Variants in GPC5 observed in about 807,000 individuals in gnomAD.
GPC5 encodes the protein glypican 5, also known as glypican-5.
A neutral mutation model predicts 53.9 loss-of-function variants in GPC5; 47 were observed. That is an observed-to-expected ratio of 0.87 (90% CI 0.69 to 1.11). GPC5 has a LOEUF of 1.11. GPC5 is among the 50% of genes most tolerant of loss of function. GPC5 has a pLI of 0.00. For synonymous variants in GPC5, 286 were observed against 263.3 expected (o/e 1.09, Z -0.84); for missense variants, 748 against 713.1 (o/e 1.05, Z -0.56).
intron 6 of GPC5, among the ~76,000 whole-genome samples, chr13:91,930,156 A>C (rs1400954430): frequency 6.6e-6 from 1 of 152,078 alleles, no homozygotes; most frequent in Non-Finnish European, 1.5e-5. Context: ...GGCCTTTCTA[A>C]ATGGATAGAA....
At chr13:91,402,376 AGTT>A (rs1202003118) in intron 1 of GPC5, among the ~76,000 whole-genome samples, 3 of 152,154 alleles carry the variant, frequency 2.0e-5, no homozygotes, top group Non-Finnish European at 2.9e-5. Context: ...AGTGCTCTGA[AGTT>A]GTTGTTGTTT....
intron 7 of GPC5, among the ~76,000 whole-genome samples, chr13:92,837,235 C>A (rs1233885989): frequency 6.6e-6 from 1 of 152,110 alleles, no homozygotes; most frequent in Non-Finnish European, 1.5e-5. Context: ...GATATACCAA[C>A]CAAAATTACA....
intron 7 of GPC5, among the ~76,000 whole-genome samples, chr13:92,368,000 G>A (rs1049163680): frequency 6.6e-6 from 1 of 152,018 alleles, no homozygotes; most frequent in Non-Finnish European, 1.5e-5. Flanking sequence ...GGGGGCAGGC[G>A]GTGAGGCAGA....
intron 6 of GPC5, among the ~76,000 whole-genome samples, chr13:92,077,397 C>T (rs2041260589): frequency 6.6e-6 from 1 of 152,152 alleles, no homozygotes; most frequent in Non-Finnish European, 1.5e-5. Flanking sequence ...GACTTTTTGT[C>T]AGCCTTGTAC....
At chr13:92,360,972 A>G (rs2043561325) in intron 7 of GPC5, among the ~76,000 whole-genome samples, 1 of 151,758 alleles carries the variant, frequency 6.6e-6, no homozygotes, top group African/African-American at 2.4e-5. Flanking sequence ...GACATAAAAT[A>G]ACAAATGACA....
chr13:91,819,250 C>G (rs905679789), intron 5 of GPC5, among the ~76,000 whole-genome samples: 1 of 149,804 alleles, frequency 6.7e-6, no homozygotes, highest in Non-Finnish European at 1.5e-5. Context: ...ACCTCCACCT[C>G]CCAGGTTCAA....
At chr13:92,019,164 C>G (rs1369939194) in intron 6 of GPC5, among the ~76,000 whole-genome samples, 1 of 151,832 alleles carries the variant, frequency 6.6e-6, no homozygotes, top group African/African-American at 2.4e-5. Flanking sequence ...CTTATACTCT[C>G]CAATTAATAT....
intron 6 of GPC5, among the ~76,000 whole-genome samples, chr13:91,993,723 C>T (rs1237948495): frequency 6.6e-6 from 1 of 152,074 alleles, no homozygotes; most frequent in Non-Finnish European, 1.5e-5. Context: ...AAGACCGATT[C>T]CTTTCTCATT....
intron 2 of GPC5, among the ~76,000 whole-genome samples, chr13:91,532,631 T>G (rs769316186): frequency 7.2e-5 from 11 of 152,146 alleles, no homozygotes; most frequent in Non-Finnish European, 1.5e-4. Flanking sequence ...TTCGGGAGGC[T>G]GAGGCTGGTG....
chr13:92,277,992 C>A (rs901424912), intron 7 of GPC5, among the ~76,000 whole-genome samples: 3 of 151,696 alleles, frequency 2.0e-5, no homozygotes, highest in Admixed American at 1.3e-4. Context: ...CCTCAATAAA[C>A]AATAATGAAA....
At chr13:92,393,095 C>T (rs545958221) in intron 7 of GPC5, among the ~76,000 whole-genome samples, 15 of 152,110 alleles carry the variant, frequency 9.9e-5, no homozygotes, top group Non-Finnish European at 1.8e-4. Context: ...AAGACACATG[C>T]ATGTGAATGT....
At chr13:92,191,046 C>T (rs887881379) in intron 7 of GPC5, among the ~76,000 whole-genome samples, 10 of 151,948 alleles carry the variant, frequency 6.6e-5, no homozygotes, top group Admixed American at 2.0e-4. Flanking sequence ...TGAACATAAT[C>T]AAGAGTAACT....
At position 92,518,804 on chromosome 13, in the gene GPC5, A is replaced by G. The variant is rs150305455; in HGVS notation, c.1562-347478A>G. Among the ~76,000 whole-genome samples, 1,259 of 152,328 alleles carry G rather than the reference A, an allele frequency of 8.3e-3. 19 individuals carry two copies. Among genetic ancestry groups the G allele is most frequent in the African/African-American group, 0.028 (1,182 of 41,584 alleles). The stretch of plus-strand genomic sequence containing the variant: ...TATTAACCTTAAATGTAAATGGGCT[A>G]AATTCTCCAATTAAAAGACATAGAC... On this transcript the variant is annotated intron_variant, in intron 7 of 7. Transcript: ENST00000377067.
At chr13:92,633,973 T>C (rs1461134580) in intron 7 of GPC5, among the ~76,000 whole-genome samples, 1 of 152,136 alleles carries the variant, frequency 6.6e-6, no homozygotes, top group Admixed American at 6.5e-5. Context: ...ATTAAACTCA[T>C]TGAAATTAAG....
At chr13:91,744,328 C>A (rs2037001332) in intron 4 of GPC5, among the ~76,000 whole-genome samples, 1 of 152,026 alleles carries the variant, frequency 6.6e-6, no homozygotes. Flanking sequence ...ATGTAACATT[C>A]CACAGCAATA....
intron 6 of GPC5, among the ~76,000 whole-genome samples, chr13:92,119,883 G>T (rs372742472): frequency 6.6e-6 from 1 of 151,900 alleles, no homozygotes; most frequent in African/African-American, 2.4e-5. Flanking sequence ...ATATAAGAGC[G>T]CTCAATAGAA....
At chr13:92,440,587 A>T (rs1361169549) in intron 7 of GPC5, among the ~76,000 whole-genome samples, 1 of 152,206 alleles carries the variant, frequency 6.6e-6, no homozygotes, top group African/African-American at 2.4e-5. Context: ...TTTTGGTAGA[A>T]CAATTTATTT....
intron 6 of GPC5, among the ~76,000 whole-genome samples, chr13:92,082,852 A>G (rs4773662): frequency 0.98 from 149,691 of 152,268 alleles, 73,628 homozygotes; most frequent in Middle Eastern, 1. Context: ...AATCATAGCT[A>G]GCTAAAAGTA....
chr13:91,578,565 T>A (rs2032225950), intron 2 of GPC5, among the ~76,000 whole-genome samples: 1 of 152,138 alleles, frequency 6.6e-6, no homozygotes, highest in Non-Finnish European at 1.5e-5. Flanking sequence ...AGTCCCTGTG[T>A]TTTAGGATGA....
Sources: allele counts gnomAD v4.1 joint callset (sites outside exome capture counted in the v4.1 genomes callset), GRCh38; gene constraint gnomAD v4.1.1; transcripts MANE v1.5; gene names NCBI Gene and HGNC (gene_info 2026-07-23, HGNC 2026-07-21).